MYO3B: variants seen among roughly 807,000 people sequenced by gnomAD.
MYO3B encodes the protein myosin IIIB, also known as myosin-IIIb.
MYO3B carries 156 observed loss-of-function variants against 174.6 expected under a neutral mutation model. That is an observed-to-expected ratio of 0.89 (90% confidence interval 0.78 to 1.02). The LOEUF is 1.02. Among genes scored for constraint, MYO3B ranks in the 50% least tolerant of loss-of-function variants. The pLI is 0.00. For synonymous variants in MYO3B, 563 were observed against 569.1 expected (o/e 0.99, Z 0.15); for missense variants, 1,632 against 1,639.4 (o/e 1.00, Z 0.08).
intron 30 of MYO3B, among the ~76,000 whole-genome samples, chr2:170,521,086 T>G (rs1688644047): frequency 6.6e-6 from 1 of 152,228 alleles, no homozygotes; most frequent in Non-Finnish European, 1.5e-5. Flanking sequence ...AGTCTTAATT[T>G]ACAATTTTAA....
At chr2:170,181,939 G>T (rs1463290470) in intron 1 of MYO3B, among the ~76,000 whole-genome samples, 1 of 151,776 alleles carries the variant, frequency 6.6e-6, no homozygotes, top group Non-Finnish European at 1.5e-5. Flanking sequence ...GGAGACAAAT[G>T]GTATCTCATT....
intron 7 of MYO3B, among the ~76,000 whole-genome samples, chr2:170,271,991 TG>T (rs2093428551): frequency 6.6e-6 from 1 of 152,100 alleles, no homozygotes; most frequent in Non-Finnish European, 1.5e-5. Context: ...AGATGCCAGC[TG>T]ACTGGTGAGG....
At chr2:170,310,679 A>AAAAAG (rs1366430475) in intron 7 of MYO3B, among the ~76,000 whole-genome samples, 2 of 151,324 alleles carry the variant, frequency 1.3e-5, no homozygotes, top group South Asian at 2.1e-4. Flanking sequence ...AAAAAAAAAA[A>AAAAAG]AAAAAAAAGA....
chr2:170,515,657 G>C (rs1381384797), intron 29 of MYO3B, among the ~76,000 whole-genome samples: 2 of 151,964 alleles, frequency 1.3e-5, no homozygotes, highest in South Asian at 4.2e-4. Flanking sequence ...TGCTTGAGAG[G>C]CTATGATTTT....
At chr2:170,511,429 C>A (rs1687983314) in intron 28 of MYO3B, among the ~76,000 whole-genome samples, 1 of 152,094 alleles carries the variant, frequency 6.6e-6, no homozygotes, top group South Asian at 2.1e-4. Context: ...CACAGGAAAC[C>A]AGAACTGTAG....
intron 7 of MYO3B, among the ~76,000 whole-genome samples, chr2:170,331,201 G>A (rs1440071636): frequency 6.6e-6 from 1 of 152,222 alleles, no homozygotes; most frequent in Non-Finnish European, 1.5e-5. Context: ...AAATCAAGTA[G>A]ACAGGTAGGT....
intron 33 of MYO3B, 62 bp from the exon 34 acceptor site, chr2:170,652,046 T>C (rs201037920): frequency 6.5e-7 from 1 of 1,542,364 alleles, no homozygotes; most frequent in Non-Finnish European, 8.8e-7. Context: ...AAAATCACTT[T>C]GAATTAAAAA....
At chr2:170,651,593 G>A (rs763285921) in intron 32 of MYO3B, 35 bp from the exon 33 acceptor site, 17 of 1,580,084 alleles carry the variant, frequency 1.1e-5, no homozygotes, top group African/African-American at 9.4e-5. Flanking sequence ...CCAACACCTC[G>A]GACAGTTTAC....
chr2:170,527,404 T>C (rs892538613), intron 30 of MYO3B, among the ~76,000 whole-genome samples: 3 of 152,246 alleles, frequency 2.0e-5, no homozygotes, highest in Non-Finnish European at 4.4e-5. Context: ...TTGGCCTGAA[T>C]GTTGTTAAAT....
intron 24 of MYO3B, among the ~76,000 whole-genome samples, chr2:170,465,515 G>A (rs1251295660): frequency 6.6e-6 from 1 of 152,174 alleles, no homozygotes; most frequent in Non-Finnish European, 1.5e-5. Flanking sequence ...TTCAACATGA[G>A]ATTTGGAGGA....
At chr2:170,224,818 T>C (rs2092934524) in intron 6 of MYO3B, among the ~76,000 whole-genome samples, 1 of 152,192 alleles carries the variant, frequency 6.6e-6, no homozygotes, top group South Asian at 2.1e-4. Context: ...GCTCCAAAAA[T>C]GGGTCTCTCT....
chr2:170,601,319 T>C (rs997806275), intron 32 of MYO3B, among the ~76,000 whole-genome samples: 1 of 152,204 alleles, frequency 6.6e-6, no homozygotes. Context: ...CATCCCCATA[T>C]ATAACTAATT....
intron 7 of MYO3B, among the ~76,000 whole-genome samples, chr2:170,268,732 T>G (rs1329707861): frequency 6.6e-6 from 1 of 151,876 alleles, no homozygotes; most frequent in Non-Finnish European, 1.5e-5. Flanking sequence ...AACACACAGA[T>G]GGAAAGAAAA....
intron 9 of MYO3B, among the ~76,000 whole-genome samples, chr2:170,376,131 C>T (rs982189252): frequency 4.6e-5 from 7 of 152,144 alleles, no homozygotes; most frequent in African/African-American, 1.7e-4. Context: ...TCCACCCAAA[C>T]AATTCTCCTA....
At chr2:170,492,053 CAAA>C (rs60053193) in intron 25 of MYO3B, among the ~76,000 whole-genome samples, 4 of 111,076 alleles carry the variant, frequency 3.6e-5, no homozygotes, top group Admixed American at 8.6e-5. Context: ...GACTCCGTCT[CAAA>C]AAAAAAAAAA....
intron 21 of MYO3B, among the ~76,000 whole-genome samples, chr2:170,406,227 T>C (rs2094508437): frequency 6.6e-6 from 1 of 152,156 alleles, no homozygotes; most frequent in Non-Finnish European, 1.5e-5. Flanking sequence ...TCCTTGCTTA[T>C]GTTACTCCCA....
At chr2:170,464,806 C>A (rs1325427884) in intron 24 of MYO3B, among the ~76,000 whole-genome samples, 1 of 152,092 alleles carries the variant, frequency 6.6e-6, no homozygotes, top group Non-Finnish European at 1.5e-5. Context: ...GTGGCTCTAT[C>A]CTCATCTGTT....
intron 32 of MYO3B, chr2:170,601,989 A>T (rs1007850997): frequency 2.3e-6 from 2 of 864,774 alleles, no homozygotes; most frequent in African/African-American, 3.3e-5. Context: ...CCCCTTTAGG[A>T]GGGATATAGG....
chr2:170,645,185 T>G (rs2105461447), intron 32 of MYO3B, among the ~76,000 whole-genome samples: 1 of 152,220 alleles, frequency 6.6e-6, no homozygotes, highest in African/African-American at 2.4e-5. Context: ...AATGTGAATA[T>G]TCAGGCCGGG....
Sources: gnomAD v4.1 joint callset for allele counts (sites outside exome capture counted in the v4.1 genomes callset) on GRCh38, gnomAD v4.1.1 for gene constraint, MANE v1.5 for transcripts, NCBI Gene and HGNC (gene_info 2026-07-23, HGNC 2026-07-21) for gene names.